EYS: variants seen among roughly 807,000 people sequenced by gnomAD.
EYS encodes the protein protein eyes shut homolog.
Under a neutral mutation model 282.1 loss-of-function variants are expected in EYS, and 250 were observed. That is an observed-to-expected ratio of 0.89 (90% CI 0.80 to 0.98). The LOEUF (loss-of-function observed/expected upper bound fraction) is 0.98, where lower values mean the gene tolerates loss of function less well. Ranked by LOEUF, EYS falls within the 50% of genes least tolerant of loss-of-function variation. EYS has a pLI of 0.00. For synonymous variants in EYS, 1,355 were observed against 1,282.9 expected (o/e 1.06, Z -1.20); for missense variants, 4,016 against 3,709.0 (o/e 1.08, Z -2.15).
intron 15 of EYS, among the ~76,000 whole-genome samples, chr6:64,913,426 A>G (rs1248404731): frequency 2.0e-5 from 3 of 151,942 alleles, no homozygotes; most frequent in Admixed American, 6.6e-5. Flanking sequence ...TCACTTTTGG[A>G]GTTCTCAGCC....
chr6:65,006,812 T>C (rs1165100026), intron 13 of EYS, among the ~76,000 whole-genome samples: 2 of 152,202 alleles, frequency 1.3e-5, no homozygotes, highest in African/African-American at 4.8e-5. Flanking sequence ...TGCCTAATAA[T>C]TGGTCTCCTC....
At chr6:65,592,365 C>A (rs888002154) in intron 2 of EYS, among the ~76,000 whole-genome samples, 1 of 151,806 alleles carries the variant, frequency 6.6e-6, no homozygotes, top group African/African-American at 2.4e-5. Flanking sequence ...GCATTGAATT[C>A]AAGTTTTAAT....
chr6:63,812,534 C>A (rs566656080), intron 36 of EYS, among the ~76,000 whole-genome samples: 1 of 152,244 alleles, frequency 6.6e-6, no homozygotes, highest in East Asian at 1.9e-4. Flanking sequence ...TTTTTCTCCC[C>A]ACTCAGATTG....
chr6:63,728,874 T>C (rs149286085), intron 41 of EYS, among the ~76,000 whole-genome samples: 27 of 152,298 alleles, frequency 1.8e-4, no homozygotes, highest in African/African-American at 5.5e-4. Flanking sequence ...CTTGATCATA[T>C]GGTAAGAGCA....
chr6:65,029,951 G>C (rs1249391190), intron 13 of EYS, among the ~76,000 whole-genome samples: 1 of 152,082 alleles, frequency 6.6e-6, no homozygotes, highest in African/African-American at 2.4e-5. Flanking sequence ...TCTCACTATG[G>C]AACACCAGAA....
At chr6:65,298,347 G>T (rs1232803811) in intron 11 of EYS, among the ~76,000 whole-genome samples, 1 of 152,020 alleles carries the variant, frequency 6.6e-6, no homozygotes, top group Admixed American at 6.6e-5. Flanking sequence ...TGAACTGTGT[G>T]GAGATAGTGA....
intron 26 of EYS, among the ~76,000 whole-genome samples, chr6:64,564,221 C>G (rs528154266): frequency 1.4e-5 from 2 of 145,356 alleles, no homozygotes; most frequent in South Asian, 4.4e-4. Flanking sequence ...CAACAGTGTG[C>G]AAGGGTTTCC....
At chr6:64,064,824 A>G (rs1237504295) in intron 33 of EYS, among the ~76,000 whole-genome samples, 1 of 152,178 alleles carries the variant, frequency 6.6e-6, no homozygotes, top group Non-Finnish European at 1.5e-5. Flanking sequence ...GTTCTTATTA[A>G]TAGAAATGCC....
At position 64,989,927 on chromosome 6, in the gene EYS, C is replaced by T. The variant is rs1442140704; in HGVS notation, c.2259+7655G>A. Among the ~76,000 whole-genome samples the T allele has an allele frequency of 6.0e-5, 9 of 150,760 alleles. No individual in the cohort carries two copies. In the East Asian group the frequency reaches 9.8e-4, roughly 16 times the overall value. ...TAGAAAGGTGTTAAGCTCTATTTAT[C>T]GTAGGATGGTTGGCAGAAGACTAAA... On this transcript the variant is annotated intron_variant, in intron 14 of 42. Transcript: ENST00000503581.
intron 35 of EYS, among the ~76,000 whole-genome samples, chr6:63,932,906 C>T (rs1004830528): frequency 6.6e-5 from 10 of 152,250 alleles, no homozygotes; most frequent in Non-Finnish European, 1.2e-4. Flanking sequence ...CAAGCACAGG[C>T]TGTGACCTGC....
At chr6:64,605,352 C>T (rs1388403617) in intron 24 of EYS, among the ~76,000 whole-genome samples, 1 of 151,836 alleles carries the variant, frequency 6.6e-6, no homozygotes, top group African/African-American at 2.4e-5. Flanking sequence ...TGACTACGGC[C>T]AAGTTCATAT....
intron 31 of EYS, among the ~76,000 whole-genome samples, chr6:64,124,520 T>G (rs573724779): frequency 2.0e-5 from 3 of 152,340 alleles, no homozygotes; most frequent in African/African-American, 7.2e-5. Context: ...GGCCGGAATT[T>G]TAACACAACA....
intron 29 of EYS, among the ~76,000 whole-genome samples, chr6:64,353,643 C>A (rs894123232): frequency 6.6e-6 from 1 of 151,596 alleles, no homozygotes; most frequent in Non-Finnish European, 1.5e-5. Context: ...GGAGAGGAAG[C>A]ATATTAAATT....
intron 35 of EYS, among the ~76,000 whole-genome samples, chr6:63,868,718 C>A (rs540552439): frequency 3.6e-4 from 55 of 152,284 alleles, no homozygotes; most frequent in African/African-American, 1.3e-3. Context: ...TCAAGTAGAA[C>A]TTTCCATCTT....
At chr6:64,183,803 T>G (rs1764853228) in intron 31 of EYS, among the ~76,000 whole-genome samples, 1 of 152,156 alleles carries the variant, frequency 6.6e-6, no homozygotes, top group African/African-American at 2.4e-5. Flanking sequence ...AGCCTTCAAA[T>G]GTCTGATTTC....
rs534460979 is a variant in EYS at position 65,041,161 on chromosome 6, A to G, written c.2137+16453T>C. Among the ~76,000 whole-genome samples, 5 of 151,840 alleles carry G rather than the reference A, an allele frequency of 3.3e-5. No individual in the cohort carries two copies. In the South Asian group the frequency reaches 1.0e-3, roughly 32 times the overall value. ...AAAGTTAAGCAGAGACAGAAATACT[A>G]CAACAGATAAACATTCTTAAAAAAG... On this transcript the variant is annotated intron_variant, in intron 13 of 42. Transcript: ENST00000503581.
chr6:64,867,871 A>G (rs909071382), intron 19 of EYS, among the ~76,000 whole-genome samples: 4 of 151,562 alleles, frequency 2.6e-5, no homozygotes, highest in East Asian at 1.9e-4. Context: ...TTTATCTTCA[A>G]TCAACACTTG....
intron 31 of EYS, among the ~76,000 whole-genome samples, chr6:64,178,594 T>A (rs1271416985): frequency 6.6e-6 from 1 of 152,002 alleles, no homozygotes; most frequent in Non-Finnish European, 1.5e-5. Context: ...TTACTCTTAG[T>A]AGGAATCAGA....
intron 22 of EYS, among the ~76,000 whole-genome samples, chr6:64,650,971 AC>A (rs1768535675): frequency 6.6e-6 from 1 of 152,132 alleles, no homozygotes; most frequent in Admixed American, 6.5e-5. Flanking sequence ...AAGAATAAAT[AC>A]AACCTTATTG....
Sources: gnomAD v4.1 joint callset for allele counts (sites outside exome capture counted in the v4.1 genomes callset) on GRCh38, gnomAD v4.1.1 for gene constraint, MANE v1.5 for transcripts, NCBI Gene and HGNC (gene_info 2026-07-23, HGNC 2026-07-21) for gene names.